Variants in IRAG2 observed in about 807,000 individuals in gnomAD.
IRAG2 encodes inositol 1,4,5-triphosphate receptor associated 2, also known as lymphoid restricted membrane protein.
IRAG2 carries 45 observed loss-of-function variants against 69.9 expected under a neutral mutation model. The ratio of observed to expected loss-of-function variants is 0.64; its 90% CI spans 0.51 to 0.83. IRAG2 has a LOEUF of 0.83. IRAG2 is among the 40% of genes least tolerant of loss of function. The probability of loss-of-function intolerance (pLI) is 0.00; values close to 1 mark genes in which losing one functional copy is unlikely to be tolerated. For missense variants in IRAG2, 520 were observed against 587.0 expected (o/e 0.89, Z 1.18); for synonymous variants, 193 against 202.4 (o/e 0.95, Z 0.40).
chr12:25,074,522 T>C (rs1228078650), intron 6 of IRAG2, among the ~76,000 whole-genome samples: 4 of 152,232 alleles, frequency 2.6e-5, no homozygotes, highest in Admixed American at 6.5e-5. Context: ...TTGTCCACAC[T>C]GTCCTATGAC....
At chr12:25,017,568 A>G (rs1311955010) in intron 6 of IRAG2, among the ~76,000 whole-genome samples, 1 of 152,024 alleles carries the variant, frequency 6.6e-6, no homozygotes, top group African/African-American at 2.4e-5. Flanking sequence ...AAATACAAAC[A>G]TTAGCTGGGC....
chr12:25,026,816 A>G (rs1000510208), exon 9 of IRAG2: 4 of 1,229,138 alleles, frequency 3.3e-6, no homozygotes, highest in Non-Finnish European at 3.0e-6. Context: ...GGATATAGAC[A>G]GACTGGAAAA....
At chr12:25,012,958 A>G (rs1034232940) in intron 3 of IRAG2, among the ~76,000 whole-genome samples, 8 of 152,238 alleles carry the variant, frequency 5.3e-5, no homozygotes, top group African/African-American at 1.7e-4. Context: ...TGAAGTCAAG[A>G]TAAATATATA....
rs577815637 is a variant in IRAG2, at chr12:25,083,277, A to G, written c.245-146A>G. The G allele has an allele frequency of 7.0e-4, 492 of 706,470 alleles. 4 individuals are homozygous for G. The highest frequency in any genetic ancestry group is 1.5e-4 in the Non-Finnish European group (57 of 392,022). 43.8% of individuals were successfully genotyped at this position (706,470 alleles called of 1,614,324 possible). ...CCTAATTCTGAGTCAATGGGCACGT[A>G]TACATTTTTTGTAGTTCATAATTTG... On this transcript the variant is annotated intron_variant, in intron 9 of 21. Transcript: ENST00000556887.
At chr12:25,059,285 A>G (rs2139948970) in intron 1 of IRAG2, among the ~76,000 whole-genome samples, 1 of 152,292 alleles carries the variant, frequency 6.6e-6, no homozygotes, top group Non-Finnish European at 1.5e-5. Context: ...TAAAAATTTC[A>G]TCTTTACCAG....
intron 16 of IRAG2, chr12:25,101,870 T>C: frequency 1.9e-6 from 1 of 535,672 alleles, no homozygotes; most frequent in East Asian, 4.6e-5. Context: ...AAGAATCTGT[T>C]CCCTGTTCTA....
rs1212558073 is a variant in IRAG2, at chr12:25,034,031, G to A, written c.1743+84G>A. 1.0e-5 allele frequency: 4 copies of A among 396,870 alleles called. No homozygotes were observed. In the East Asian group the frequency reaches 1.4e-4, roughly 14 times the overall value. The allele number at this position is 396,870 out of a possible 1,614,324, so 24.6% of individuals were successfully genotyped here. On this transcript the variant is annotated intron_variant, in intron 13 of 38. Coordinates refer to the IRAG2 transcript ENST00000636465. ...ATGATTTAATGAAGGTTCACAGCTT[G>A]CCAAAAACTACCAGTGACACTGAGA...
At chr12:25,083,387 C>T in intron 9 of IRAG2, 36 bp from the exon 10 acceptor site, 1 of 1,380,238 alleles carries the variant, frequency 7.2e-7, no homozygotes, top group Non-Finnish European at 1.0e-6. Flanking sequence ...TGCTCCTGCC[C>T]CCCTAACTGC....
At chr12:25,085,895 A>AT (rs112119079) in intron 10 of IRAG2, among the ~76,000 whole-genome samples, 3 of 152,210 alleles carry the variant, frequency 2.0e-5, no homozygotes, top group South Asian at 2.1e-4. Flanking sequence ...GCCTAACTAC[A>AT]TTTTTTTTAG....
intron 4 of IRAG2, among the ~76,000 whole-genome samples, chr12:25,064,154 A>C (rs1412969232): frequency 6.6e-6 from 1 of 152,158 alleles, no homozygotes; most frequent in Admixed American, 6.5e-5. Context: ...ATAAGTCCTA[A>C]AGTAGCTCAC....
upstream of IRAG2, among the ~76,000 whole-genome samples, chr12:25,002,450 G>A (rs1380588056): frequency 1.3e-5 from 2 of 152,116 alleles, no homozygotes; most frequent in South Asian, 2.1e-4. Context: ...TGAGGAGAAG[G>A]CATGCACACA....
At chr12:25,097,631 G>C (rs1275280988) in intron 15 of IRAG2, 3 of 152,168 alleles carry the variant, frequency 2.0e-5, no homozygotes, top group Admixed American at 1.3e-4. Flanking sequence ...AAGCAGACTT[G>C]TTAAAATATA....
chr12:25,083,644 G>C (rs1000126534), intron 10 of IRAG2, 151 bp downstream of exon 10: 8 of 547,346 alleles, frequency 1.5e-5, no homozygotes, highest in African/African-American at 1.4e-4. Flanking sequence ...TATAGGCAAA[G>C]TAGTTGAGGC....
intron 15 of IRAG2, among the ~76,000 whole-genome samples, chr12:25,099,948 C>T (rs954413444): frequency 3.1e-5 from 4 of 127,132 alleles, no homozygotes; most frequent in African/African-American, 9.3e-5. Flanking sequence ...TGCAATGAGC[C>T]GAGATCGTGC....
intron 1 of IRAG2, among the ~76,000 whole-genome samples, chr12:25,057,544 C>G (rs1161808486): frequency 1.3e-5 from 2 of 152,146 alleles, no homozygotes; most frequent in Non-Finnish European, 2.9e-5. Context: ...CAGGCATGAG[C>G]CACTCTGCCC....
At chr12:25,094,582 A>C (rs1045288982) in intron 14 of IRAG2, among the ~76,000 whole-genome samples, 13 of 152,094 alleles carry the variant, frequency 8.5e-5, no homozygotes, top group African/African-American at 3.1e-4. Flanking sequence ...TTTTGGGATA[A>C]ATTTTTCTAT....
chr12:25,095,074 G>A (rs1846018441), intron 14 of IRAG2, among the ~76,000 whole-genome samples: 1 of 151,958 alleles, frequency 6.6e-6, no homozygotes, highest in Non-Finnish European at 1.5e-5. Flanking sequence ...TATTTTCCTT[G>A]CCTAATTGTT....
chr12:25,002,281 G>A (rs937491969), upstream of IRAG2, among the ~76,000 whole-genome samples: 2 of 152,162 alleles, frequency 1.3e-5, no homozygotes, highest in African/African-American at 4.8e-5. Flanking sequence ...AAAAGTAGTT[G>A]GGAGCCAACA....
At chr12:25,046,498 A>G (rs571651919) in intron 16 of IRAG2, among the ~76,000 whole-genome samples, 2 of 152,330 alleles carry the variant, frequency 1.3e-5, no homozygotes, top group South Asian at 4.1e-4. Flanking sequence ...GTAAAGTTGC[A>G]TGACACAAAA....
Sources: gnomAD v4.1 joint callset for allele counts (sites outside exome capture counted in the v4.1 genomes callset) on GRCh38, gnomAD v4.1.1 for gene constraint, MANE v1.5 for transcripts, NCBI Gene and HGNC (gene_info 2026-07-23, HGNC 2026-07-21) for gene names.